SENP5: variants seen among roughly 807,000 people sequenced by gnomAD.
SENP5 encodes the protein SUMO specific peptidase 5.
A neutral mutation model predicts 74.2 loss-of-function variants in SENP5; 21 were observed. The ratio of observed to expected loss-of-function variants is 0.28; its 90% CI spans 0.20 to 0.41. SENP5 has a LOEUF of 0.41. Ranked by LOEUF, SENP5 falls within the 10% of genes least tolerant of loss-of-function variation. The pLI is 1.00. For missense variants in SENP5, 717 were observed against 889.1 expected (o/e 0.81, Z 2.46); for synonymous variants, 311 against 312.7 (o/e 0.99, Z 0.06).
intron 9 of SENP5, 102 bp downstream of exon 9, chr3:196,929,785 T>TA: frequency 1.3e-6 from 1 of 787,288 alleles, no homozygotes; most frequent in Non-Finnish European, 2.2e-6. Flanking sequence ...TGATGCTAGG[T>TA]ACGAGCAACG....
intron 5 of SENP5, among the ~76,000 whole-genome samples, chr3:196,901,418 A>G (rs1346789222): frequency 1.3e-5 from 2 of 152,174 alleles, no homozygotes; most frequent in Non-Finnish European, 2.9e-5. Flanking sequence ...ATTTTTCCTT[A>G]GATAAATCTT....
At chr3:196,894,743 C>G (rs752603962) in intron 2 of SENP5, among the ~76,000 whole-genome samples, 1 of 152,040 alleles carries the variant, frequency 6.6e-6, no homozygotes, top group Non-Finnish European at 1.5e-5. Flanking sequence ...ACCTGGCGCT[C>G]CTTATTCACC....
At chr3:196,917,419 C>T (rs1034661506) in intron 6 of SENP5, among the ~76,000 whole-genome samples, 1 of 151,948 alleles carries the variant, frequency 6.6e-6, no homozygotes, top group Non-Finnish European at 1.5e-5. Context: ...AGTAACAGAA[C>T]TTTCCAAACC....
chr3:196,925,943 T>TAA (rs1231439102), intron 7 of SENP5, among the ~76,000 whole-genome samples: 3 of 152,236 alleles, frequency 2.0e-5, no homozygotes, highest in Non-Finnish European at 4.4e-5. Context: ...AAGCTGTTTT[T>TAA]AGTTTTAAGA....
At chr3:196,879,007 C>A (rs1713603248) in intron 1 of SENP5, among the ~76,000 whole-genome samples, 1 of 152,198 alleles carries the variant, frequency 6.6e-6, no homozygotes, top group African/African-American at 2.4e-5. Context: ...TACTTGCATA[C>A]TTCTTATCTT....
chr3:196,927,781 T>G lies in SENP5; in HGVS notation c.2023-15T>G. The G allele has an allele frequency of 6.6e-7, 1 of 1,515,548 alleles. No homozygotes were observed. The highest frequency in any genetic ancestry group is 9.2e-7 in the Non-Finnish European group (1 of 1,090,632). 93.9% of individuals were successfully genotyped at this position (1,515,548 alleles called of 1,614,324 possible). A position where few individuals can be genotyped will look rare whatever the true frequency, so the allele number is the denominator to read the frequency against. ...ATGGAACACAGCATCTGTGTTGTGGTTTCTTTTTAACCAGAATATAAGAAA... is the reference window on the plus strand; with the variant it reads ...ATGGAACACAGCATCTGTGTTGTGGGTTCTTTTTAACCAGAATATAAGAAA... On this transcript the variant is annotated splice_polypyrimidine_tract_variant and intron_variant, in intron 7 of 9. Coordinates refer to ENST00000323460, the MANE Select transcript of SENP5 (RefSeq NM_152699.5).
chr3:196,915,551 A>C (rs1289499913), intron 6 of SENP5, among the ~76,000 whole-genome samples: 1 of 152,224 alleles, frequency 6.6e-6, no homozygotes, highest in African/African-American at 2.4e-5. Context: ...TTGGACCTTG[A>C]ATAAATATCA....
chr3:196,886,615 A>G lies in SENP5; in HGVS notation c.1434A>G (p.Leu478=). 1.9e-6 allele frequency: 3 copies of G among 1,611,064 alleles called. No homozygotes were observed. The highest frequency in any genetic ancestry group is 2.2e-5 in the East Asian group (1 of 44,874). The part of the protein sequence containing the change: ...EAPLVCSGLK[L]ENQVGGGKNS... The stretch of plus-strand genomic sequence containing the variant: ...CCTTGGTGTGCAGTGGACTCAAACT[A>G]GAAAATCAAGTAGGAGGTGGAAAGA... The change falls in exon 2 of 10, where the codon CTA becomes CTG. Residue 478 remains leucine, a synonymous_variant. Coordinates refer to ENST00000323460, the MANE Select transcript of SENP5 (RefSeq NM_152699.5).
rs535454150 is a variant in SENP5 at position 196,910,099 on chromosome 3, G to A, written c.1884+6489G>A. On this transcript the variant is annotated intron_variant, in intron 6 of 9. Transcript: ENST00000323460. Reference sequence around the variant, plus strand: ...GCAGAAATCACAAGCATTCCTATACGCCAGCAATGGACAAGCAGAGAGCCA... The same window carrying A: ...GCAGAAATCACAAGCATTCCTATACACCAGCAATGGACAAGCAGAGAGCCA... Among the ~76,000 whole-genome samples the A allele has an allele frequency of 3.7e-4, 56 of 151,946 alleles. 1 individual carries two copies. The South Asian group carries it at 0.011, about 31-fold the overall frequency.
intron 3 of SENP5, 23 bp from the exon 4 acceptor site, chr3:196,899,898 TTTG>T (rs1194615980): frequency 6.2e-7 from 1 of 1,609,346 alleles, no homozygotes; most frequent in African/African-American, 1.3e-5. Flanking sequence ...TTTTTTACCT[TTTG>T]TTTCAAAATC....
chr3:196,911,386 T>C (rs139309547), intron 6 of SENP5, among the ~76,000 whole-genome samples: 1,931 of 152,102 alleles, frequency 0.013, 24 homozygotes, highest in Non-Finnish European at 0.021. Flanking sequence ...CATCAGAAAG[T>C]GGGCAAAGGA....
chr3:196,895,056 A>G (rs1309211854), intron 2 of SENP5, among the ~76,000 whole-genome samples: 1 of 152,178 alleles, frequency 6.6e-6, no homozygotes, highest in Non-Finnish European at 1.5e-5. Flanking sequence ...TTGGAGAACC[A>G]TGTGCTTGCA....
intron 2 of SENP5, among the ~76,000 whole-genome samples, chr3:196,896,208 A>G (rs2108830909): frequency 6.6e-6 from 1 of 152,364 alleles, no homozygotes; most frequent in East Asian, 1.9e-4. Flanking sequence ...ATTTTATAAA[A>G]TCTGTTTCTG....
intron 1 of SENP5, among the ~76,000 whole-genome samples, chr3:196,869,170 G>A (rs944300074): frequency 6.6e-6 from 1 of 151,756 alleles, no homozygotes; most frequent in African/African-American, 2.4e-5. Flanking sequence ...GAGGGTGCTG[G>A]GGAGGGGGGC....
intron 6 of SENP5, chr3:196,914,714 C>T (rs977325117): frequency 4.0e-5 from 6 of 149,536 alleles, no homozygotes; most frequent in Admixed American, 1.3e-4. Context: ...CTTCAACCAT[C>T]GTCCTCCTGC....
intron 6 of SENP5, among the ~76,000 whole-genome samples, chr3:196,907,289 C>T (rs951461302): frequency 6.6e-6 from 1 of 151,714 alleles, no homozygotes; most frequent in Non-Finnish European, 1.5e-5. Flanking sequence ...CTGGCTAACA[C>T]GGTGAAACCC....
At chr3:196,907,058 A>G (rs1490545529) in intron 6 of SENP5, among the ~76,000 whole-genome samples, 1 of 152,214 alleles carries the variant, frequency 6.6e-6, no homozygotes, top group Non-Finnish European at 1.5e-5. Context: ...GACTTGTATG[A>G]CTGGACGGCC....
chr3:196,886,184 G>A lies in SENP5; in HGVS notation c.1003G>A (p.Gly335Ser), dbSNP rs750123782. 6 of 1,614,156 alleles carry A rather than the reference G, an allele frequency of 3.7e-6. No individual in the cohort carries two copies. The highest frequency in any genetic ancestry group is 1.6e-4 in the Middle Eastern group (1 of 6,062). The change falls in exon 2 of 10, where the codon GGC (glycine) becomes AGC (serine). Residue 335 changes from glycine to serine, a missense_variant. Gly to Ser is a moderately conservative substitution (Grantham distance 56, BLOSUM62 0). Transcript: ENST00000323460. ...DCHTKGSSFL[G>S]KELSLDEAFP... ...CCACACTAAAGGAAGCTCTTTCTTG[G>A]GCAAGGAGCTTAGTTTAGACGAAGC...
At chr3:196,885,055 TC>T (rs1337340223) in intron 1 of SENP5, 95 bp from the exon 2 acceptor site, 24 of 684,866 alleles carry the variant, frequency 3.5e-5, no homozygotes, top group Admixed American at 2.9e-4. Context: ...GTATATGTAC[TC>T]TTTTTTTTTC....
Sources: allele counts gnomAD v4.1 joint callset (sites outside exome capture counted in the v4.1 genomes callset), GRCh38; gene constraint gnomAD v4.1.1; transcripts MANE v1.5; gene names NCBI Gene and HGNC (gene_info 2026-07-23, HGNC 2026-07-21).